The following ACP2 variants were observed in gnomAD, a reference collection of about 807,000 sequenced individuals.
The protein encoded by ACP2 is lysosomal acid phosphatase.
ACP2 carries 35 observed loss-of-function variants against 54.7 expected under a neutral mutation model. The observed-to-expected ratio is 0.64, with a 90% CI of 0.49 to 0.85. The LOEUF (loss-of-function observed/expected upper bound fraction) is 0.85. ACP2 is among the 40% of genes least tolerant of loss of function. The pLI is 0.00. For missense variants in ACP2, 492 were observed against 565.0 expected, an observed-to-expected ratio of 0.87 and a Z score of 1.31; for synonymous variants, 210 against 224.4, an observed-to-expected ratio of 0.94 and a Z score of 0.57.
In ACP2 at chr11:47,248,115, G is replaced by T; in HGVS notation, c.133C>A (p.Arg45Ser). Residue 45 changes from arginine (R) to serine (S), a missense_variant, in exon 2 of 11, where the codon CGT (arginine) becomes AGT (serine). Transcript: ENST00000672073. ...TTGGGATATGTCTTCACTGGTGAAC[G>T]GTCTCCATGGCGGTACAGCTGAGAG... is the stretch of plus-strand genomic sequence containing the variant. ...FVTLLYRHGD[R>S]SPVKTYPKDP... 1 of 1,610,034 alleles carries T rather than the reference G, an allele frequency of 6.2e-7. No homozygotes were observed. The highest frequency in any genetic ancestry group is 8.5e-7 in the Non-Finnish European group (1 of 1,178,744).
rs1313198862 is a variant in ACP2, at chr11:47,248,663, C to T, written c.114+13G>A. ...GCTTCAGGGAAGTCTTTGGTGAGCC[C>T]ATCTCTCATTACCAAGGTAACGAAG... On this transcript the variant is annotated intron_variant, in intron 1 of 10. Transcript: ENST00000672073. The T allele has an allele frequency of 6.9e-6, 11 of 1,605,774 alleles. No homozygotes were observed. The highest frequency in any genetic ancestry group is 9.4e-6 in the Non-Finnish European group (11 of 1,176,322).
In ACP2 at chr11:47,247,640, C is replaced by T. The variant is rs1286261074; in HGVS notation, c.297+1G>A. The T allele has an allele frequency of 1.9e-6, 3 of 1,614,232 alleles. No homozygotes were observed. Among genetic ancestry groups the T allele is most frequent in the Admixed American group, 1.7e-5 (1 of 60,032 alleles). On this transcript the variant is annotated splice_donor_variant, in intron 3 of 10. Coordinates refer to ENST00000672073, the MANE Select transcript of ACP2 (RefSeq NM_001610.4). LOFTEE classifies it high-confidence loss of function. ...CTTGCCTCTGGAGCTCCCAACCTTA[C>T]CTCTTGCCGGTGATAAGAGGTGTTT...
chr11:47,243,257 C>T lies in ACP2; in HGVS notation c.837G>A (p.Lys279=). 6.2e-7 allele frequency: 1 copy of T among 1,614,218 alleles called. No individual in the cohort carries two copies. ...TLMATTSQLP[K]LLVYSAHDTT... ...CACTCACCGCAGAGTAAACCAGCAGCTTGGGGAGCTGGGAGGTGGTCGCCA... is the reference window on the plus strand; with the variant it reads ...CACTCACCGCAGAGTAAACCAGCAGTTTGGGGAGCTGGGAGGTGGTCGCCA... Residue 279 remains lysine (K), a synonymous_variant, in exon 8 of 11, where the codon AAG becomes AAA. Coordinates refer to ENST00000672073, the MANE Select transcript of ACP2 (RefSeq NM_001610.4).
Position 47,245,590 on chromosome 11 carries a change from GAAACAGGCAGCGGGA to G in ACP2, c.451-33_451-19del, listed in dbSNP as rs1173599046. On this transcript the variant is annotated intron_variant, in intron 4 of 10. Transcript: ENST00000672073. ...TTCAGCAGCTGTAGAGCGAAGCGGGGAAACAGGCAGCGGGAAAAGGAGCCTGGCATCAGCAGGCCT... is the reference window on the plus strand; with the variant it reads ...TTCAGCAGCTGTAGAGCGAAGCGGGGAAAGGAGCCTGGCATCAGCAGGCCT... 6.2e-6 allele frequency: 10 copies of G among 1,614,126 alleles called. No individual in the cohort carries two copies. Among genetic ancestry groups the G allele is most frequent in the Non-Finnish European group, 8.5e-6 (10 of 1,180,046 alleles).
chr11:47,245,970 GC>G, intron 3 of ACP2, 136 bp from the exon 4 acceptor site: 1 of 1,378,196 alleles, frequency 7.3e-7, no homozygotes, highest in Non-Finnish European at 9.5e-7. Flanking sequence ...CCAAAGTGGA[GC>G]CCCAGAGGAG....
In ACP2 at chr11:47,243,240, G is replaced by A. The variant is rs769986149; in HGVS notation, c.854C>T (p.Ala285Val). 3.7e-6 allele frequency: 6 copies of A among 1,614,216 alleles called. No individual in the cohort carries two copies. The highest frequency in any genetic ancestry group is 5.1e-6 in the Non-Finnish European group (6 of 1,180,028). The change falls in exon 8 of 11, where the codon GCG (alanine) becomes GTG (valine). Residue 285 changes from alanine (A) to valine (V), a missense_variant and splice_region_variant. By Grantham distance (64) the Ala-to-Val change is moderately conservative. Coordinates refer to ENST00000672073, the MANE Select transcript of ACP2 (RefSeq NM_001610.4). The part of the protein sequence containing the change: ...SQLPKLLVYS[A>V]HDTTLVALQM... ...ACGCTAGGGAGCGCAGGCACTCACC[G>A]CAGAGTAAACCAGCAGCTTGGGGAG...
rs558648785 is a variant in ACP2 at position 47,245,216 on chromosome 11, G to A, written c.639+89C>T. 123 of 1,384,510 alleles carry A rather than the reference G, an allele frequency of 8.9e-5. 1 individual carries two copies. In the African/African-American group the frequency reaches 1.1e-3, roughly 12 times the overall value. 85.8% of individuals were successfully genotyped at this position (1,384,510 alleles called of 1,614,324 possible). A position where few individuals can be genotyped will look rare whatever the true frequency, so the allele number is the denominator to read the frequency against. On this transcript the variant is annotated intron_variant, in intron 6 of 10. Transcript: ENST00000672073. Reference sequence around the variant, plus strand: ...CCCTGGACCTCCCCAGGGGCGTGACGGTATCAGGCACTGTGTTCTACCGTC... The same window carrying A: ...CCCTGGACCTCCCCAGGGGCGTGACAGTATCAGGCACTGTGTTCTACCGTC...
At chr11:47,244,894 G>A (rs930238694) in intron 6 of ACP2, 27 bp from the exon 7 acceptor site, 4 of 1,576,190 alleles carry the variant, frequency 2.5e-6, no homozygotes, top group African/African-American at 1.3e-5. Context: ...GCAGGTTAGC[G>A]CCCCAGGCCT....
intron 4 of ACP2, 26 bp from the exon 5 acceptor site, chr11:47,245,598 C>A: frequency 6.2e-7 from 1 of 1,614,216 alleles, no homozygotes; most frequent in Non-Finnish European, 8.5e-7. Context: ...GGGAAACAGG[C>A]AGCGGGAAAA....
intron 1 of ACP2, 118 bp downstream of exon 1, chr11:47,248,558 C>T: frequency 1.3e-6 from 2 of 1,551,728 alleles, no homozygotes; most frequent in Non-Finnish European, 1.7e-6. Context: ...CTCCCAACTA[C>T]CCAGGCCAGT....
intron 3 of ACP2, 185 bp downstream of exon 3, chr11:47,247,456 C>T (rs1336574801): frequency 1.0e-5 from 7 of 678,694 alleles, no homozygotes; most frequent in Non-Finnish European, 1.7e-5. Flanking sequence ...CTCATCCCAG[C>T]CAAGCAGGGG....
At position 47,245,378 on chromosome 11, in the gene ACP2, A is replaced by G; in HGVS notation, c.566T>C (p.Val189Ala). The G allele has an allele frequency of 6.2e-7, 1 of 1,614,188 alleles. No homozygotes were observed. Among genetic ancestry groups the G allele is most frequent in the Non-Finnish European group, 8.5e-7 (1 of 1,180,034 alleles). The change falls in exon 6 of 11, where the codon GTG (valine) becomes GCG (alanine). Residue 189 changes from valine (V) to alanine (A), a missense_variant. Transcript: ENST00000672073. Reference protein sequence around the residue: ...SSRNAQFLDMVANETGLTDLT... With the variant: ...SSRNAQFLDMAANETGLTDLT... ...GTCTGTAAGCCCTGTCTCGTTGGCC[A>G]CCATGTCCAGAAATTGCTATGAAAA...
chr11:47,248,395 G>A, intron 1 of ACP2: 1 of 1,502,548 alleles, frequency 6.7e-7, no homozygotes, highest in Non-Finnish European at 9.0e-7. Flanking sequence ...CGTATGTGGT[G>A]GGGACAACTG....
intron 6 of ACP2, 80 bp downstream of exon 6, chr11:47,245,225 C>G: frequency 6.2e-6 from 9 of 1,446,410 alleles, no homozygotes; most frequent in Non-Finnish European, 7.8e-6. Context: ...CGGTATCAGG[C>G]ACTGTGTTCT....
chr11:47,248,550 C>G (rs1317172724), intron 1 of ACP2, 126 bp downstream of exon 1: 8 of 1,551,720 alleles, frequency 5.2e-6, no homozygotes, highest in Non-Finnish European at 7.0e-6. Flanking sequence ...AATCCAGCCT[C>G]CCAACTACCC....
intron 3 of ACP2, among the ~76,000 whole-genome samples, chr11:47,246,597 C>T (rs971034351): frequency 1.3e-5 from 2 of 151,030 alleles, no homozygotes; most frequent in African/African-American, 4.9e-5. Flanking sequence ...TATTTTGGGC[C>T]GGGCACGGTG....
intron 10 of ACP2, 84 bp downstream of exon 10, chr11:47,242,639 A>T: frequency 1.3e-6 from 2 of 1,508,488 alleles, no homozygotes; most frequent in Middle Eastern, 2.4e-4. Flanking sequence ...AAATGGCTGG[A>T]AGTGCGACAG....
At position 47,242,861 on chromosome 11, in the gene ACP2, C is replaced by T; in HGVS notation, c.1000G>A (p.Asp334Asn). Residue 334 changes from aspartate (D) to asparagine (N), a missense_variant, in exon 10 of 11, where the codon GAC becomes AAC. Transcript: ENST00000672073. The stretch of plus-strand genomic sequence containing the variant: ...AGGCTGAGCGGCCAGGGGGCCTTGT[C>T]ACTCTCGTTCCGAAAGTACATCTCC... ...SVEMYFRNESDKAPWPLSLPG... is the reference protein window; with the variant it reads ...SVEMYFRNESNKAPWPLSLPG... 1.9e-6 allele frequency: 3 copies of T among 1,613,778 alleles called. No individual in the cohort carries two copies. Among genetic ancestry groups the T allele is most frequent in the Non-Finnish European group, 2.5e-6 (3 of 1,179,718 alleles).
intron 10 of ACP2, among the ~76,000 whole-genome samples, chr11:47,241,652 A>G (rs974223743): frequency 6.6e-5 from 10 of 152,224 alleles, no homozygotes; most frequent in Non-Finnish European, 1.5e-4. Flanking sequence ...GCAAGAGCAC[A>G]TATTAATATT....
Sources: allele counts gnomAD v4.1 joint callset (sites outside exome capture counted in the v4.1 genomes callset), GRCh38; gene constraint gnomAD v4.1.1; transcripts MANE v1.5; gene names NCBI Gene and HGNC (gene_info 2026-07-23, HGNC 2026-07-21).